ACYP2: variants seen among roughly 807,000 people sequenced by gnomAD.
ACYP2 encodes acylphosphatase 2.
In ACYP2, 12 loss-of-function variants were observed where a neutral mutation model predicts 11.2. The ratio of observed to expected loss-of-function variants is 1.08; its 90% confidence interval spans 0.69 to 1.74. ACYP2 has a LOEUF of 1.74. Among genes scored for constraint, ACYP2 ranks in the 40% most tolerant of loss-of-function variants. ACYP2 has a pLI of 0.00. For synonymous variants in ACYP2, 43 were observed against 32.2 expected (o/e 1.33, Z -1.13); for missense variants, 134 against 101.9 (o/e 1.31, Z -1.35).
chr2:53,988,288 T>G (rs1672124615), intron 2 of ACYP2, among the ~76,000 whole-genome samples: 1 of 152,204 alleles, frequency 6.6e-6, no homozygotes, highest in African/African-American at 2.4e-5. Context: ...TATAGTTTTC[T>G]GTTTTACATT....
intron 6 of ACYP2, among the ~76,000 whole-genome samples, chr2:54,288,725 G>A (rs1002766167): frequency 2.0e-5 from 3 of 152,016 alleles, no homozygotes; most frequent in Non-Finnish European, 4.4e-5. Context: ...CGATGTAACG[G>A]TGCCTTGTAG....
chr2:54,167,094 C>T (rs1258374920), intron 6 of ACYP2: 1 of 151,884 alleles, frequency 6.6e-6, no homozygotes, highest in African/African-American at 2.4e-5. Context: ...CTCATGACGG[C>T]ATCTATCGAC....
intron 4 of ACYP2, among the ~76,000 whole-genome samples, chr2:54,099,750 A>G (rs1387031808): frequency 6.6e-6 from 1 of 152,184 alleles, no homozygotes; most frequent in African/African-American, 2.4e-5. Flanking sequence ...AAAATGTTGC[A>G]GTGAACTTGG....
intron 6 of ACYP2, among the ~76,000 whole-genome samples, chr2:54,250,305 T>C (rs1288161537): frequency 6.6e-6 from 1 of 152,088 alleles, no homozygotes; most frequent in Admixed American, 6.6e-5. Context: ...GGTGAAACCC[T>C]GTTTCTACTA....
In ACYP2 at chr2:54,067,207, T is replaced by A. The variant is rs1000090501; in HGVS notation, c.277+9847T>A. On this transcript the variant is annotated intron_variant, in intron 4 of 6. Transcript: ENST00000607452. ...GAAAGTTAAGTCTAAGTAAAATGTC[T>A]GTGTTCCTATAAGCAGAGCAAGATC... Among the ~76,000 whole-genome samples the A allele has an allele frequency of 6.6e-5, 10 of 152,236 alleles. No homozygotes were observed. The East Asian group carries it at 1.7e-3, about 26-fold the overall frequency.
intron 4 of ACYP2, among the ~76,000 whole-genome samples, chr2:54,061,055 A>G (rs960768959): frequency 6.6e-6 from 1 of 152,080 alleles, no homozygotes; most frequent in African/African-American, 2.4e-5. Context: ...TGGTCTCCCT[A>G]TATTACCCAG....
At position 54,044,059 on chromosome 2, in the gene ACYP2, G is replaced by T. The variant is rs892410704; in HGVS notation, c.63-6899G>T. On this transcript the variant is annotated intron_variant, in intron 2 of 6. Coordinates refer to ENST00000607452, the MANE Select transcript of ACYP2 (RefSeq NM_001320586.2). ...AAATTAAGTGGAAAGCCCCATCAAG[G>T]ACAGAGACGAGATCTCTCTTCTAGA... Among the ~76,000 whole-genome samples the T allele has an allele frequency of 3.9e-5, 6 of 152,092 alleles. No homozygotes were observed. In the East Asian group the frequency reaches 9.6e-4, roughly 24 times the overall value.
At chr2:54,002,497 C>T (rs1471258968) in intron 2 of ACYP2, among the ~76,000 whole-genome samples, 2 of 151,936 alleles carry the variant, frequency 1.3e-5, no homozygotes, top group Non-Finnish European at 2.9e-5. Flanking sequence ...AAGTGCACAC[C>T]ACCATGCCCG....
chr2:54,243,370 A>G (rs956975195), intron 6 of ACYP2, among the ~76,000 whole-genome samples: 13 of 152,224 alleles, frequency 8.5e-5, no homozygotes, highest in Non-Finnish European at 4.4e-5. Context: ...ACTGTAAGCA[A>G]TGGCAACACA....
chr2:54,146,775 A>T (rs371496058), intron 6 of ACYP2, among the ~76,000 whole-genome samples: 35 of 149,122 alleles, frequency 2.3e-4, no homozygotes, highest in South Asian at 1.9e-3. Flanking sequence ...TTTTCAAAGT[A>T]TTCTTCTGAT....
intron 4 of ACYP2, among the ~76,000 whole-genome samples, chr2:54,102,450 AT>A (rs1250394874): frequency 1.3e-5 from 2 of 151,976 alleles, no homozygotes; most frequent in African/African-American, 4.8e-5. Context: ...GCTATCCCTC[AT>A]TCCTCTTCTA....
At chr2:53,976,735 C>T (rs2104506604) in intron 2 of ACYP2, among the ~76,000 whole-genome samples, 1 of 152,234 alleles carries the variant, frequency 6.6e-6, no homozygotes, top group East Asian at 1.9e-4. Flanking sequence ...TTCATCCAGC[C>T]ATTGTATCTA....
At chr2:54,134,932 A>G (rs533431944) in intron 4 of ACYP2, among the ~76,000 whole-genome samples, 2 of 152,384 alleles carry the variant, frequency 1.3e-5, no homozygotes, top group African/African-American at 4.8e-5. Flanking sequence ...TTTCATGGAC[A>G]GAAGATTGTT....
intron 2 of ACYP2, among the ~76,000 whole-genome samples, chr2:54,018,288 C>T (rs1673806945): frequency 6.6e-6 from 1 of 152,132 alleles, no homozygotes; most frequent in Non-Finnish European, 1.5e-5. Flanking sequence ...ATTTGTATTT[C>T]CATTAGATTC....
At chr2:53,990,062 T>C (rs1672214400) in intron 2 of ACYP2, among the ~76,000 whole-genome samples, 1 of 149,766 alleles carries the variant, frequency 6.7e-6, no homozygotes, top group African/African-American at 2.5e-5. Context: ...CACTGCAACC[T>C]CTACCTCCTG....
chr2:54,020,946 T>A (rs1221374620), intron 2 of ACYP2, among the ~76,000 whole-genome samples: 1 of 152,174 alleles, frequency 6.6e-6, no homozygotes, highest in Non-Finnish European at 1.5e-5. Flanking sequence ...CACTGGAACA[T>A]AAATTTAATT....
intron 2 of ACYP2, among the ~76,000 whole-genome samples, chr2:54,021,576 A>C (rs144342465): frequency 5.6e-4 from 86 of 152,302 alleles, no homozygotes; most frequent in African/African-American, 1.6e-3. Flanking sequence ...AACTACACTA[A>C]TTTTATTATG....
intron 2 of ACYP2, among the ~76,000 whole-genome samples, chr2:54,034,002 A>C (rs539819269): frequency 2.0e-5 from 3 of 152,350 alleles, no homozygotes; most frequent in Admixed American, 2.0e-4. Flanking sequence ...ATGATAGACC[A>C]AATATAATAG....
chr2:54,172,682 C>A (rs957781168), intron 6 of ACYP2, among the ~76,000 whole-genome samples: 3 of 151,982 alleles, frequency 2.0e-5, no homozygotes, highest in Admixed American at 6.6e-5. Context: ...TATACATGTG[C>A]CATGTTGGTT....
Sources: gnomAD v4.1 joint callset for allele counts (sites outside exome capture counted in the v4.1 genomes callset) on GRCh38, gnomAD v4.1.1 for gene constraint, MANE v1.5 for transcripts, NCBI Gene and HGNC (gene_info 2026-07-23, HGNC 2026-07-21) for gene names.